The following WDR7 variants were observed in gnomAD, a reference collection of about 807,000 sequenced individuals.
The protein encoded by WDR7 is WD repeat domain 7, also known as WD repeat-containing protein 7.
WDR7 carries 46 observed loss-of-function variants against 169.4 expected under a neutral mutation model. That is an observed-to-expected ratio of 0.27 (90% CI 0.21 to 0.35). The LOEUF (loss-of-function observed/expected upper bound fraction) is 0.35, where lower values mean the gene tolerates loss of function less well. Among genes scored for constraint, WDR7 ranks in the 10% least tolerant of loss-of-function variants. The pLI is 1.00. For missense variants in WDR7, 1,534 were observed against 1,859.3 expected (o/e 0.83, Z 3.22); for synonymous variants, 612 against 666.8 (o/e 0.92, Z 1.27).
At chr18:56,955,116 AAGTAGCTTC>A (rs1479432753) in intron 25 of WDR7, among the ~76,000 whole-genome samples, 1 of 152,158 alleles carries the variant, frequency 6.6e-6, no homozygotes, top group Non-Finnish European at 1.5e-5. Context: ...ATGGGATGTA[AAGTAGCTTC>A]AGTCCTAAAT....
chr18:56,713,006 C>T lies in WDR7; in HGVS notation c.1579-4958C>T, dbSNP rs2026117695. On this transcript the variant is annotated intron_variant, in intron 12 of 27. Coordinates refer to ENST00000254442, the MANE Select transcript of WDR7 (RefSeq NM_015285.3). ...TCAAGTGGGGTGCCAGAGTTACTTTCATCCTGTTTGTTTCCACTTAAAATG... is the reference window on the plus strand; with the variant it reads ...TCAAGTGGGGTGCCAGAGTTACTTTTATCCTGTTTGTTTCCACTTAAAATG... Among the ~76,000 whole-genome samples the T allele has an allele frequency of 2.0e-5, 3 of 152,152 alleles. No individual in the cohort carries two copies. In the South Asian group the frequency reaches 6.2e-4, roughly 31 times the overall value.
chr18:56,909,128 T>C (rs2145593435), intron 21 of WDR7, among the ~76,000 whole-genome samples: 1 of 152,250 alleles, frequency 6.6e-6, no homozygotes, highest in East Asian at 1.9e-4. Context: ...AGGAAACTTA[T>C]ACCCAGTTTG....
intron 19 of WDR7, among the ~76,000 whole-genome samples, chr18:56,800,131 A>C (rs1378332813): frequency 6.6e-6 from 1 of 152,100 alleles, no homozygotes; most frequent in Non-Finnish European, 1.5e-5. Flanking sequence ...CTCATTTTTC[A>C]TTCTTTTTAT....
chr18:56,901,838 T>C (rs919587303), intron 21 of WDR7, among the ~76,000 whole-genome samples: 5 of 151,936 alleles, frequency 3.3e-5, no homozygotes, highest in African/African-American at 1.2e-4. Context: ...AATGTTGGAG[T>C]GCCATCCATT....
intron 16 of WDR7, among the ~76,000 whole-genome samples, chr18:56,767,075 T>C (rs1170187705): frequency 6.6e-6 from 1 of 152,198 alleles, no homozygotes; most frequent in Non-Finnish European, 1.5e-5. Flanking sequence ...CTTGCTTTTA[T>C]GACTTGTTAG....
chr18:56,701,858 G>T (rs1443802894), intron 12 of WDR7, among the ~76,000 whole-genome samples: 2 of 152,126 alleles, frequency 1.3e-5, no homozygotes, highest in African/African-American at 4.8e-5. Flanking sequence ...AACCTTGAGT[G>T]CAATGTCTTA....
intron 13 of WDR7, among the ~76,000 whole-genome samples, chr18:56,720,352 G>A (rs115567404): frequency 2.4e-4 from 37 of 152,132 alleles, no homozygotes; most frequent in African/African-American, 8.0e-4. Flanking sequence ...AGGTGGCTGA[G>A]GTGAGAGAAT....
chr18:56,869,364 G>A (rs1030246658), intron 20 of WDR7, among the ~76,000 whole-genome samples: 3 of 152,188 alleles, frequency 2.0e-5, no homozygotes, highest in African/African-American at 7.2e-5. Context: ...TGTTCCAGCA[G>A]GGGGCTATCG....
At chr18:56,748,776 C>T (rs962598041) in intron 14 of WDR7, among the ~76,000 whole-genome samples, 8 of 152,020 alleles carry the variant, frequency 5.3e-5, no homozygotes, top group Non-Finnish European at 1.0e-4. Flanking sequence ...TATATATTGT[C>T]TAATTCCAAC....
intron 26 of WDR7, among the ~76,000 whole-genome samples, chr18:56,986,237 G>A (rs34721358): frequency 0.2 from 30,847 of 150,608 alleles, 3,708 homozygotes; most frequent in Middle Eastern, 0.35. Flanking sequence ...AACATCTACT[G>A]TAATACTGAT....
In WDR7 at chr18:56,731,394, C is replaced by T. The variant is rs767541263; in HGVS notation, c.1786C>T (p.Arg596Cys). ...TATTTTTCTCGCAGGTGCATTGGAT[C>T]GTTGTGTGATGGGGATAACAGCAGT... is the stretch of plus-strand genomic sequence containing the variant. ...VWQMDTGALDRCVMGITAVEI... is the reference protein window; with the variant it reads ...VWQMDTGALDCCVMGITAVEI... Residue 596 changes from arginine (R) to cysteine (C), a missense_variant, in exon 14 of 28, where the codon CGT becomes TGT. Physicochemically the swap from Arg to Cys is radical, Grantham distance 180 (BLOSUM62 -3). Transcript: ENST00000254442. 1 of 1,612,894 alleles carries T rather than the reference C, an allele frequency of 6.2e-7. No individual in the cohort carries two copies. Among genetic ancestry groups the T allele is most frequent in the Non-Finnish European group, 8.5e-7 (1 of 1,179,168 alleles).
At chr18:56,772,883 A>G (rs1272151003) in intron 16 of WDR7, among the ~76,000 whole-genome samples, 6 of 152,142 alleles carry the variant, frequency 3.9e-5, no homozygotes, top group Non-Finnish European at 5.9e-5. Context: ...CAGGATTAGC[A>G]TATTATTTAA....
At chr18:56,852,269 G>T (rs2045652022) in intron 20 of WDR7, among the ~76,000 whole-genome samples, 1 of 152,268 alleles carries the variant, frequency 6.6e-6, no homozygotes, top group Middle Eastern at 3.4e-3. Context: ...TTTTGTCCGG[G>T]GGCTCAGTTG....
chr18:56,772,569 A>G lies in WDR7; in HGVS notation c.2849-4213A>G, dbSNP rs1305499955. On this transcript the variant is annotated intron_variant, in intron 16 of 27. Transcript: ENST00000254442. The stretch of plus-strand genomic sequence containing the variant: ...TTAAATTCTGAAAAAATCCCCAGCA[A>G]GGTGTCCAAGGAAAGAAGTATGATC... Among the ~76,000 whole-genome samples, 14 of 152,290 alleles carry G rather than the reference A, an allele frequency of 9.2e-5. No individual in the cohort carries two copies. In the East Asian group the frequency reaches 2.7e-3, roughly 29 times the overall value.
intron 16 of WDR7, among the ~76,000 whole-genome samples, chr18:56,766,413 C>T (rs1218594584): frequency 1.3e-5 from 2 of 152,098 alleles, no homozygotes; most frequent in South Asian, 2.1e-4. Context: ...TCACCTATCA[C>T]GGTGCTCTTT....
At chr18:56,743,925 A>G (rs1217701921) in intron 14 of WDR7, among the ~76,000 whole-genome samples, 1 of 152,082 alleles carries the variant, frequency 6.6e-6, no homozygotes, top group Admixed American at 6.5e-5. Context: ...GATGTGGAGG[A>G]GGAAAACCTT....
intron 19 of WDR7, among the ~76,000 whole-genome samples, chr18:56,812,486 C>A (rs139392465): frequency 6.6e-6 from 1 of 152,132 alleles, no homozygotes; most frequent in South Asian, 2.1e-4. Flanking sequence ...GGAATTGGCT[C>A]ATGCAATTGG....
intron 4 of WDR7, among the ~76,000 whole-genome samples, chr18:56,682,191 T>C (rs188719344): frequency 6.6e-6 from 1 of 152,326 alleles, no homozygotes; most frequent in Non-Finnish European, 1.5e-5. Flanking sequence ...AGGCCCTGAT[T>C]ATGTTTGAAC....
intron 21 of WDR7, among the ~76,000 whole-genome samples, chr18:56,916,751 T>A (rs539385936): frequency 6.6e-6 from 1 of 152,256 alleles, no homozygotes; most frequent in East Asian, 1.9e-4. Flanking sequence ...TTACTGTTTG[T>A]GTGTATGTGT....
Sources: allele counts gnomAD v4.1 joint callset (sites outside exome capture counted in the v4.1 genomes callset), GRCh38; gene constraint gnomAD v4.1.1; transcripts MANE v1.5; gene names NCBI Gene and HGNC (gene_info 2026-07-23, HGNC 2026-07-21).